WWOX: variants seen among roughly 807,000 people sequenced by gnomAD.
The protein encoded by WWOX is WW domain-containing oxidoreductase.
A neutral mutation model predicts 46.2 loss-of-function variants in WWOX; 69 were observed. That is an observed-to-expected ratio of 1.49 (90% CI 1.23 to 1.82). The LOEUF is 1.82. WWOX is among the 40% of genes most tolerant of loss of function. The pLI, the probability that WWOX is intolerant of heterozygous loss-of-function variation, is 0.00. For missense variants in WWOX, 919 were observed against 542.6 expected, an observed-to-expected ratio of 1.69 and a Z score of -6.89; for synonymous variants, 359 against 202.6, an observed-to-expected ratio of 1.77 and a Z score of -6.56.
At chr16:78,553,256 A>C (rs2044215989) in intron 8 of WWOX, 1 of 152,302 alleles carries the variant, frequency 6.6e-6, no homozygotes, top group Non-Finnish European at 1.5e-5. Context: ...AAACCTGCAC[A>C]TCCTGCACAT....
At chr16:79,078,469 C>G (rs1250576904) in intron 8 of WWOX, among the ~76,000 whole-genome samples, 2 of 152,124 alleles carry the variant, frequency 1.3e-5, no homozygotes, top group Admixed American at 6.6e-5. Flanking sequence ...AGGAGAGTCC[C>G]TTGAATGCCA....
chr16:78,674,601 C>G (rs1480158198), intron 8 of WWOX, among the ~76,000 whole-genome samples: 1 of 152,102 alleles, frequency 6.6e-6, no homozygotes, highest in Non-Finnish European at 1.5e-5. Flanking sequence ...TCATAGTTTA[C>G]TCTTATTATT....
At chr16:78,162,666 C>A (rs1167945865) in intron 4 of WWOX, among the ~76,000 whole-genome samples, 1 of 152,160 alleles carries the variant, frequency 6.6e-6, no homozygotes, top group Non-Finnish European at 1.5e-5. Context: ...CATTATCAGC[C>A]ATTCTGTCTT....
At position 78,857,610 on chromosome 16, in the gene WWOX, T is replaced by C. The variant is rs1453421021; in HGVS notation, c.1057-353998T>C. On this transcript the variant is annotated intron_variant, in intron 8 of 8. Transcript: ENST00000566780. The stretch of plus-strand genomic sequence containing the variant: ...CCTTAAACCAAATGTTATTTTCCTT[T>C]TGTATCTAGCCTAACATTGACTATC... Among the ~76,000 whole-genome samples, 3 of 152,208 alleles carry C rather than the reference T, an allele frequency of 2.0e-5. No individual in the cohort carries two copies. In the East Asian group the frequency reaches 5.8e-4, roughly 29 times the overall value.
chr16:78,498,288 C>A (rs113788897), intron 8 of WWOX, among the ~76,000 whole-genome samples: 1 of 151,818 alleles, frequency 6.6e-6, no homozygotes, highest in East Asian at 1.9e-4. Flanking sequence ...CTTCTTAAAG[C>A]GTATTTTGTG....
chr16:78,799,201 A>AC (rs1259329964), intron 8 of WWOX, among the ~76,000 whole-genome samples: 1 of 152,188 alleles, frequency 6.6e-6, no homozygotes, highest in East Asian at 1.9e-4. Flanking sequence ...TTCTAAAGAA[A>AC]CAGGGACACG....
At chr16:78,404,896 C>T (rs886772093) in intron 6 of WWOX, among the ~76,000 whole-genome samples, 1 of 152,184 alleles carries the variant, frequency 6.6e-6, no homozygotes, top group Non-Finnish European at 1.5e-5. Context: ...AACTGTAACA[C>T]CAAGGAATGA....
intron 8 of WWOX, among the ~76,000 whole-genome samples, chr16:78,964,737 G>A (rs1461019479): frequency 1.3e-5 from 2 of 152,240 alleles, no homozygotes; most frequent in Non-Finnish European, 2.9e-5. Context: ...GACTTTCACA[G>A]CAGCCCCTCC....
At chr16:78,993,440 G>T (rs1442035973) in intron 8 of WWOX, among the ~76,000 whole-genome samples, 1 of 152,156 alleles carries the variant, frequency 6.6e-6, no homozygotes, top group Non-Finnish European at 1.5e-5. Flanking sequence ...ATGACAGTGC[G>T]GCTGGATAAG....
Position 78,639,643 on chromosome 16 carries a change from A to G in WWOX, c.1056+206891A>G, listed in dbSNP as rs532810592. Among the ~76,000 whole-genome samples the G allele has an allele frequency of 1.3e-3, 204 of 152,038 alleles. 1 individual carries two copies. Among genetic ancestry groups the G allele is most frequent in the Admixed American group, 4.3e-3 (65 of 15,268 alleles). On this transcript the variant is annotated intron_variant, in intron 8 of 8. Transcript: ENST00000566780. ...CAATGGTATGATCTTGGCTCACTGC[A>G]ACCTCTGCCTCCCAGGTTCGAGTGA... is the stretch of plus-strand genomic sequence containing the variant.
chr16:78,263,248 T>C (rs991727874), intron 5 of WWOX, among the ~76,000 whole-genome samples: 2 of 152,160 alleles, frequency 1.3e-5, no homozygotes, highest in African/African-American at 4.8e-5. Flanking sequence ...ATACACTGTG[T>C]CCTCTCAGCA....
At chr16:78,314,773 A>G (rs1464090439) in intron 5 of WWOX, among the ~76,000 whole-genome samples, 2 of 142,568 alleles carry the variant, frequency 1.4e-5, no homozygotes, top group Admixed American at 7.3e-5. Flanking sequence ...GTTGGTCTCA[A>G]TGTCCTGACC....
At chr16:78,676,324 G>T (rs1038154116) in intron 8 of WWOX, among the ~76,000 whole-genome samples, 1 of 151,620 alleles carries the variant, frequency 6.6e-6, no homozygotes. Flanking sequence ...GTCCCCTTTT[G>T]TTCCTGCATT....
At chr16:79,156,249 C>A (rs1300631502) in intron 8 of WWOX, among the ~76,000 whole-genome samples, 1 of 152,204 alleles carries the variant, frequency 6.6e-6, no homozygotes, top group Non-Finnish European at 1.5e-5. Context: ...GCAACCTTTG[C>A]ATCCTGGGCT....
intron 8 of WWOX, among the ~76,000 whole-genome samples, chr16:78,666,250 C>T (rs371358719): frequency 1.3e-5 from 2 of 152,172 alleles, no homozygotes; most frequent in East Asian, 2.0e-4. Context: ...GATCCTGCCA[C>T]TGCACTCTAG....
intron 8 of WWOX, among the ~76,000 whole-genome samples, chr16:78,606,559 T>C (rs898343345): frequency 1.3e-5 from 2 of 151,996 alleles, no homozygotes; most frequent in Non-Finnish European, 2.9e-5. Context: ...TGTTGACCTG[T>C]CAGCTTAAAA....
chr16:78,191,829 G>T (rs2035892846), intron 5 of WWOX, among the ~76,000 whole-genome samples: 2 of 152,188 alleles, frequency 1.3e-5, no homozygotes, highest in Admixed American at 1.3e-4. Context: ...GAATTTACAG[G>T]ATATTTGATC....
intron 8 of WWOX, among the ~76,000 whole-genome samples, chr16:78,588,853 G>A (rs1010221992): frequency 5.3e-5 from 8 of 152,202 alleles, no homozygotes; most frequent in African/African-American, 1.9e-4. Context: ...GGTGGTGGTA[G>A]TGGTGATGGG....
intron 8 of WWOX, among the ~76,000 whole-genome samples, chr16:78,846,690 C>A (rs1288668771): frequency 6.6e-6 from 1 of 152,132 alleles, no homozygotes; most frequent in Non-Finnish European, 1.5e-5. Context: ...TGTAAAGGAT[C>A]ATTTTTTTCC....
Sources: gnomAD v4.1 joint callset for allele counts (sites outside exome capture counted in the v4.1 genomes callset) on GRCh38, gnomAD v4.1.1 for gene constraint, MANE v1.5 for transcripts, NCBI Gene and HGNC (gene_info 2026-07-23, HGNC 2026-07-21) for gene names.